The following R3HDM2 variants were observed in gnomAD, a reference collection of about 807,000 sequenced individuals.
R3HDM2 encodes R3H domain containing 2.
A neutral mutation model predicts 124.5 loss-of-function variants in R3HDM2; 38 were observed. The ratio of observed to expected loss-of-function variants is 0.31; its 90% CI spans 0.24 to 0.40. R3HDM2 has a LOEUF of 0.40. R3HDM2 is among the 10% of genes least tolerant of loss of function. R3HDM2 has a pLI of 1.00. For missense variants in R3HDM2, 869 were observed against 1,236.9 expected (o/e 0.70, Z 4.46); for synonymous variants, 391 against 448.0 (o/e 0.87, Z 1.61).
chr12:57,320,676 C>G (rs6581136), intron 2 of R3HDM2, among the ~76,000 whole-genome samples: 67,903 of 151,844 alleles, frequency 0.45, 15,740 homozygotes, highest in South Asian at 0.52. Context: ...CCAAGATTCA[C>G]CTATTTTTTT....
intron 2 of R3HDM2, among the ~76,000 whole-genome samples, chr12:57,324,921 A>G (rs1308482470): frequency 6.6e-6 from 1 of 152,200 alleles, no homozygotes; most frequent in African/African-American, 2.4e-5. Flanking sequence ...TCCTAATCCA[A>G]TCTGACTAGT....
At chr12:57,277,484 G>A (rs981581934) in intron 14 of R3HDM2, among the ~76,000 whole-genome samples, 4 of 151,608 alleles carry the variant, frequency 2.6e-5, no homozygotes, top group Admixed American at 2.0e-4. Context: ...TGTTGCCCAG[G>A]CTGGAGTGCA....
At chr12:57,378,116 CAAA>C (rs1413147649) in intron 2 of R3HDM2, among the ~76,000 whole-genome samples, 1 of 151,972 alleles carries the variant, frequency 6.6e-6, no homozygotes, top group East Asian at 1.9e-4. Flanking sequence ...AACAAACAAA[CAAA>C]AAACACCTTT....
Position 57,256,029 on chromosome 12 carries a change from G to C in R3HDM2, c.2593C>G (p.Leu865Val), listed in dbSNP as rs1311274636. ...KHGNRGKRQA[L>V]KSASTDLGTA... ...CCCAGGTCAGTGGAGGCAGATTTGA[G>C]TGCTTGTCTCTTGCCCCGGTTTCCA... Residue 865 changes from leucine (L) to valine (V), a missense_variant, in exon 23 of 24, where the codon CTC becomes GTC. Physicochemically the swap from Leu to Val is conservative, Grantham distance 32. Coordinates refer to ENST00000402412, the MANE Select transcript of R3HDM2 (RefSeq NM_001394031.1). 5 of 1,614,126 alleles carry C rather than the reference G, an allele frequency of 3.1e-6. No homozygotes were observed.
At chr12:57,352,502 T>C (rs2060795912) in intron 2 of R3HDM2, among the ~76,000 whole-genome samples, 1 of 151,254 alleles carries the variant, frequency 6.6e-6, no homozygotes, top group Non-Finnish European at 1.5e-5. Flanking sequence ...CTTTTTTTTT[T>C]TTTTTTTTTA....
intron 15 of R3HDM2, 47 bp from the exon 16 acceptor site, chr12:57,269,496 C>G (rs528786633): frequency 6.2e-7 from 1 of 1,604,288 alleles, no homozygotes; most frequent in Admixed American, 1.7e-5. Flanking sequence ...AAAATTCAGC[C>G]GCAACATCAG....
In R3HDM2 at chr12:57,256,529, T is replaced by C. The variant is rs1023606229; in HGVS notation, c.2450-18A>G. On this transcript the variant is annotated intron_variant, in intron 21 of 23. Coordinates refer to ENST00000402412, the MANE Select transcript of R3HDM2 (RefSeq NM_001394031.1). The stretch of plus-strand genomic sequence containing the variant: ...CCCATCACCTAGGGAGTAAGAGCAA[T>C]TGGTTTTCTGGGAGCTTAAGCTTCA... 5.9e-6 allele frequency: 9 copies of C among 1,535,164 alleles called. No individual in the cohort carries two copies. Among genetic ancestry groups the C allele is most frequent in the African/African-American group, 5.5e-5 (4 of 72,698 alleles).
chr12:57,316,384 GA>G lies in R3HDM2; in HGVS notation c.-35-5922del, dbSNP rs146695672. On this transcript the variant is annotated intron_variant, in intron 2 of 23. Transcript: ENST00000402412. Reference sequence around the variant, plus strand: ...TGTTTCCTTTTTGTGACTGGTTTTAGAAGGGACAAGTGAGACACAAAGGGAC... The same window carrying G: ...TGTTTCCTTTTTGTGACTGGTTTTAGAGGGACAAGTGAGACACAAAGGGAC... Among the ~76,000 whole-genome samples, 1,250 of 152,248 alleles carry G rather than the reference GA, an allele frequency of 8.2e-3. 16 individuals are homozygous for G. The highest frequency in any genetic ancestry group is 0.028 in the African/African-American group (1,166 of 41,522).
intron 2 of R3HDM2, among the ~76,000 whole-genome samples, chr12:57,371,863 TTTG>T (rs1043612032): frequency 6.6e-6 from 1 of 152,172 alleles, no homozygotes; most frequent in African/African-American, 2.4e-5. Flanking sequence ...ATTGTCCTTT[TTTG>T]TTGTTGTTGT....
In R3HDM2 at chr12:57,256,008, G is replaced by A. The variant is rs2038877301; in HGVS notation, c.2614C>T (p.Leu872=). The change falls in exon 23 of 24, where the codon CTG becomes TTG. Residue 872 remains leucine (L), a synonymous_variant. Transcript: ENST00000402412. ...GACTCACCAACATCTGCTGTCCCCA[G>A]GTCAGTGGAGGCAGATTTGAGTGCT... ...RQALKSASTD[L]GTADVVLGRV... is the part of the protein sequence containing the mutation. The A allele has an allele frequency of 6.2e-7, 1 of 1,613,666 alleles. No individual in the cohort carries two copies. The highest frequency in any genetic ancestry group is 2.2e-5 in the East Asian group (1 of 44,886).
rs1306501040 is a variant in R3HDM2 at position 57,360,032 on chromosome 12, T to TAC, written c.-36+35716_-36+35717insGT. 5.5e-4 allele frequency among the ~76,000 whole-genome samples: 40 copies of TAC among 72,904 alleles called. No homozygotes were observed. In the East Asian group the frequency reaches 0.011, roughly 20 times the overall value. 47.8% of individuals were successfully genotyped at this position (72,904 alleles called of 152,430 possible). A position where few individuals can be genotyped will look rare whatever the true frequency, so the allele number is the denominator to read the frequency against. On this transcript the variant is annotated intron_variant, in intron 2 of 23. Coordinates refer to ENST00000402412, the MANE Select transcript of R3HDM2 (RefSeq NM_001394031.1). ...ATATATATATATATATACACACATA[T>TAC]ATATATATATATATATTTTTTTTTT...
intron 13 of R3HDM2, among the ~76,000 whole-genome samples, chr12:57,283,313 A>G (rs147817941): frequency 1.3e-4 from 19 of 151,836 alleles, no homozygotes; most frequent in African/African-American, 4.3e-4. Flanking sequence ...TTTTTTTCCA[A>G]TCAGGCAGAA....
At chr12:57,338,090 G>A (rs1195930191) in intron 2 of R3HDM2, among the ~76,000 whole-genome samples, 2 of 152,200 alleles carry the variant, frequency 1.3e-5, no homozygotes, top group Non-Finnish European at 2.9e-5. Flanking sequence ...GATCACCTGA[G>A]GTCAGGAGTT....
intron 19 of R3HDM2, among the ~76,000 whole-genome samples, chr12:57,266,497 G>A (rs1458947931): frequency 6.6e-6 from 1 of 152,210 alleles, no homozygotes; most frequent in Non-Finnish European, 1.5e-5. Flanking sequence ...GCCTCCCAAA[G>A]TGTTGGGATT....
intron 2 of R3HDM2, among the ~76,000 whole-genome samples, chr12:57,382,286 G>GTT (rs72329934): frequency 0.011 from 1,626 of 143,002 alleles, 13 homozygotes; most frequent in Non-Finnish European, 0.019. Flanking sequence ...GGCTAATTTG[G>GTT]TTTTTTTTTT....
At chr12:57,272,378 C>T (rs994752970) in intron 14 of R3HDM2, 89 of 1,289,672 alleles carry the variant, frequency 6.9e-5, no homozygotes, top group Non-Finnish European at 9.0e-5. Flanking sequence ...ACAAGGCCAT[C>T]ACAGACTGAC....
intron 1 of R3HDM2, among the ~76,000 whole-genome samples, chr12:57,398,013 C>T (rs1316133981): frequency 6.6e-6 from 1 of 151,796 alleles, no homozygotes; most frequent in Non-Finnish European, 1.5e-5. Context: ...GAAACCCCGT[C>T]TCTACTAAAA....
chr12:57,264,620 A>ATTT (rs549188071), intron 19 of R3HDM2, among the ~76,000 whole-genome samples: 2 of 137,446 alleles, frequency 1.5e-5, no homozygotes, highest in Non-Finnish European at 3.2e-5. Flanking sequence ...TTCCTTCCAG[A>ATTT]TTTTTTTTTT....
At chr12:57,345,742 T>A (rs2060025654) in intron 2 of R3HDM2, among the ~76,000 whole-genome samples, 1 of 152,118 alleles carries the variant, frequency 6.6e-6, no homozygotes, top group African/African-American at 2.4e-5. Context: ...GAAGAGTTCT[T>A]GCTATGTTGC....
Sources: allele counts gnomAD v4.1 joint callset (sites outside exome capture counted in the v4.1 genomes callset), GRCh38; gene constraint gnomAD v4.1.1; transcripts MANE v1.5; gene names NCBI Gene and HGNC (gene_info 2026-07-23, HGNC 2026-07-21).